The following EGFLAM variants were observed in gnomAD, a reference collection of about 807,000 sequenced individuals.
EGFLAM encodes the protein EGF like, fibronectin type III and laminin G domains, also known as pikachurin.
EGFLAM carries 79 observed loss-of-function variants against 113.1 expected under a neutral mutation model. The ratio of observed to expected loss-of-function variants is 0.70; its 90% CI spans 0.58 to 0.84. The LOEUF (loss-of-function observed/expected upper bound fraction) is 0.84. EGFLAM is among the 40% of genes least tolerant of loss of function. EGFLAM has a pLI of 0.00. For synonymous variants in EGFLAM, 504 were observed against 487.6 expected, an observed-to-expected ratio of 1.03 and a Z score of -0.44; for missense variants, 1,265 against 1,291.6, an observed-to-expected ratio of 0.98 and a Z score of 0.32.
intron 6 of EGFLAM, among the ~76,000 whole-genome samples, chr5:38,374,656 C>G (rs73075429): frequency 1.3e-5 from 2 of 152,278 alleles, no homozygotes; most frequent in Non-Finnish European, 2.9e-5. Context: ...ATTCCTAAAC[C>G]GTAATTTCTA....
rs10718399 is a variant in EGFLAM, at chr5:38,304,127, T to TA, written c.98-33379dup. Among the ~76,000 whole-genome samples the TA allele has an allele frequency of 1.7e-3, 245 of 142,888 alleles. 1 individual carries two copies. Among genetic ancestry groups the TA allele is most frequent in the East Asian group, 8.4e-3 (40 of 4,768 alleles). 93.7% of individuals were successfully genotyped at this position (142,888 alleles called of 152,430 possible). A position where few individuals can be genotyped will look rare whatever the true frequency, so the allele number is the denominator to read the frequency against. Reference sequence around the variant, plus strand: ...CTGGGCAACAAGAACAAAACTCCATTAAAAAAAAAAAAAAGAAAGAAAGAA... The same window carrying TA: ...CTGGGCAACAAGAACAAAACTCCATTAAAAAAAAAAAAAAAGAAAGAAAGAA... On this transcript the variant is annotated intron_variant, in intron 1 of 21. Coordinates refer to ENST00000322350, the MANE Select transcript of EGFLAM (RefSeq NM_152403.4).
Position 38,259,600 on chromosome 5 carries a change from A to G in EGFLAM, c.97+749A>G, listed in dbSNP as rs527344656. On this transcript the variant is annotated intron_variant, in intron 1 of 21. Transcript: ENST00000322350. ...ATGCTGTGAGATTATTCAAAGTAGA[A>G]CATTCTGAACAATGAAGTTCTAAAC... is the stretch of plus-strand genomic sequence containing the variant. Among the ~76,000 whole-genome samples, 7 of 152,352 alleles carry G rather than the reference A, an allele frequency of 4.6e-5. No individual in the cohort carries two copies. In the South Asian group the frequency reaches 8.3e-4, roughly 18 times the overall value.
chr5:38,406,243 T>C lies in EGFLAM; in HGVS notation c.828+2T>C. The C allele has an allele frequency of 1.2e-6, 2 of 1,612,968 alleles. No homozygotes were observed. The highest frequency in any genetic ancestry group is 1.7e-6 in the Non-Finnish European group (2 of 1,179,030). On this transcript the variant is annotated splice_donor_variant, in intron 7 of 21. Coordinates refer to ENST00000322350, the MANE Select transcript of EGFLAM (RefSeq NM_152403.4). LOFTEE classifies it high-confidence loss of function. ...GATTTGGATATTTCCTTTGAGGAGG[T>C]AACAATAATCTCTGCTCTTAAAACC...
Position 38,372,479 on chromosome 5 carries a change from C to A in EGFLAM, c.712+2017C>A, listed in dbSNP as rs954080879. On this transcript the variant is annotated intron_variant, in intron 6 of 21. Transcript: ENST00000322350. ...CGGCCTCATACTGCTTCTTTTTTAA[C>A]GGAAACACTGATCTGGTCTTAGAGT... Among the ~76,000 whole-genome samples, 3 of 152,132 alleles carry A rather than the reference C, an allele frequency of 2.0e-5. No individual in the cohort carries two copies. In the South Asian group the frequency reaches 6.2e-4, roughly 32 times the overall value.
chr5:38,258,921 G>T, intron 1 of EGFLAM, 70 bp downstream of exon 1: 1 of 1,494,358 alleles, frequency 6.7e-7, no homozygotes, highest in South Asian at 1.3e-5. Flanking sequence ...CGAGGACACA[G>T]AGCGGGCAGC....
chr5:38,330,293 G>A (rs190381658), intron 1 of EGFLAM, among the ~76,000 whole-genome samples: 18 of 152,286 alleles, frequency 1.2e-4, no homozygotes, highest in Non-Finnish European at 2.2e-4. Flanking sequence ...GTGAGGTGGA[G>A]GCCATTTTCC....
In EGFLAM at chr5:38,452,998, C is replaced by G. The variant is rs189010091; in HGVS notation, c.2687+1540C>G. ...TCTCTAGAGATTGTCATGGCACATC[C>G]TCACATGAGGTTAGACATCGCTCAT... On this transcript the variant is annotated intron_variant, in intron 19 of 21. Transcript: ENST00000322350. Among the ~76,000 whole-genome samples, 11 of 152,308 alleles carry G rather than the reference C, an allele frequency of 7.2e-5. No individual in the cohort carries two copies. In the East Asian group the frequency reaches 2.1e-3, roughly 29 times the overall value.
At chr5:38,431,073 A>AC in intron 14 of EGFLAM, 104 bp from the exon 15 acceptor site, 1 of 967,752 alleles carries the variant, frequency 1.0e-6, no homozygotes, top group Non-Finnish European at 1.6e-6. Context: ...TACCAGAAAC[A>AC]CACTCACAGA....
At chr5:38,293,920 C>T (rs978680777) in intron 1 of EGFLAM, among the ~76,000 whole-genome samples, 2 of 152,212 alleles carry the variant, frequency 1.3e-5, no homozygotes, top group Non-Finnish European at 2.9e-5. Flanking sequence ...ACTCCTGGCT[C>T]ATACTCACTC....
chr5:38,415,826 C>T (rs1022353209), intron 11 of EGFLAM, among the ~76,000 whole-genome samples: 6 of 152,134 alleles, frequency 3.9e-5, no homozygotes, highest in African/African-American at 7.2e-5. Context: ...GAAGCAAACA[C>T]GTCCTTCTTT....
At chr5:38,374,222 G>A (rs562523126) in intron 6 of EGFLAM, among the ~76,000 whole-genome samples, 15 of 152,186 alleles carry the variant, frequency 9.9e-5, no homozygotes, top group African/African-American at 3.1e-4. Flanking sequence ...CACCTTACCC[G>A]CTGCCTAGAC....
In EGFLAM at chr5:38,427,058, T is replaced by G. The variant is rs539231653; in HGVS notation, c.1860T>G (p.Ala620=). Residue 620 remains alanine (A), a synonymous_variant, in exon 14 of 22, where the codon GCT becomes GCG. Coordinates refer to ENST00000322350, the MANE Select transcript of EGFLAM (RefSeq NM_152403.4). ...TCAGAGAGTCTCTGAGATCTTACGC[T>G]GCAACTCCCTGGCCACTGGAGCCCC... is the stretch of plus-strand genomic sequence containing the variant. ...PQFRESLRSY[A]ATPWPLEPQH... The G allele has an allele frequency of 6.2e-7, 1 of 1,614,010 alleles. No homozygotes were observed. The highest frequency in any genetic ancestry group is 8.5e-7 in the Non-Finnish European group (1 of 1,180,032).
chr5:38,269,755 C>T (rs917410124), intron 1 of EGFLAM, among the ~76,000 whole-genome samples: 1 of 152,164 alleles, frequency 6.6e-6, no homozygotes, highest in African/African-American at 2.4e-5. Context: ...TCCCAAAGTG[C>T]TGGGATTACA....
intron 19 of EGFLAM, among the ~76,000 whole-genome samples, chr5:38,457,794 A>T (rs1314863823): frequency 6.6e-6 from 1 of 152,170 alleles, no homozygotes; most frequent in African/African-American, 2.4e-5. Context: ...ACATGAGGGC[A>T]TTAAAAAACA....
chr5:38,365,536 G>A (rs1364578759), intron 5 of EGFLAM, among the ~76,000 whole-genome samples: 1 of 152,126 alleles, frequency 6.6e-6, no homozygotes, highest in Non-Finnish European at 1.5e-5. Context: ...TGCCATCTAA[G>A]GTATTCTAGG....
At chr5:38,302,307 C>T (rs191644207) in intron 1 of EGFLAM, among the ~76,000 whole-genome samples, 1 of 151,272 alleles carries the variant, frequency 6.6e-6, no homozygotes, top group East Asian at 1.9e-4. Context: ...TATTTAAAGT[C>T]AGAGTTCCTT....
chr5:38,455,719 C>A (rs994746653), intron 19 of EGFLAM, among the ~76,000 whole-genome samples: 2 of 152,192 alleles, frequency 1.3e-5, no homozygotes, highest in African/African-American at 4.8e-5. Flanking sequence ...GAGTTGCCCC[C>A]TCCCACAGTG....
intron 5 of EGFLAM, among the ~76,000 whole-genome samples, chr5:38,357,901 C>T (rs1259300748): frequency 6.9e-6 from 1 of 144,860 alleles, no homozygotes; most frequent in East Asian, 2.0e-4. Flanking sequence ...CTTGCTCTGT[C>T]ACCCAGGCTG....
intron 1 of EGFLAM, among the ~76,000 whole-genome samples, chr5:38,325,886 T>C (rs1246162511): frequency 6.6e-6 from 1 of 152,054 alleles, no homozygotes; most frequent in East Asian, 1.9e-4. Context: ...TACCTTTATT[T>C]TCTTTTAAAA....
Sources: gnomAD v4.1 joint callset for allele counts (sites outside exome capture counted in the v4.1 genomes callset) on GRCh38, gnomAD v4.1.1 for gene constraint, MANE v1.5 for transcripts, NCBI Gene and HGNC (gene_info 2026-07-23, HGNC 2026-07-21) for gene names.